LARGE1: variants seen among roughly 807,000 people sequenced by gnomAD.
The protein encoded by LARGE1 is xylosyl- and glucuronyltransferase LARGE1.
Under a neutral mutation model 87.6 loss-of-function variants are expected in LARGE1, and 43 were observed. The observed-to-expected ratio is 0.49, with a 90% CI of 0.38 to 0.63. The LOEUF is 0.63. Among genes scored for constraint, LARGE1 ranks in the 30% least tolerant of loss-of-function variants. The probability of loss-of-function intolerance (pLI) is 0.00; values close to 1 mark genes in which losing one functional copy is unlikely to be tolerated. For synonymous variants in LARGE1, 434 were observed against 394.6 expected (o/e 1.10, Z -1.18); for missense variants, 802 against 1,000.2 (o/e 0.80, Z 2.67).
At chr22:33,775,584 G>T (rs2085208472) in intron 1 of LARGE1, among the ~76,000 whole-genome samples, 1 of 152,224 alleles carries the variant, frequency 6.6e-6, no homozygotes, top group African/African-American at 2.4e-5. Flanking sequence ...GGGCTCAGTG[G>T]CTCATGCCTG....
At chr22:33,483,228 C>A (rs2069409921) in intron 6 of LARGE1, among the ~76,000 whole-genome samples, 1 of 152,120 alleles carries the variant, frequency 6.6e-6, no homozygotes, top group African/African-American at 2.4e-5. Flanking sequence ...GCAGACAGGC[C>A]TCACCAGAGA....
chr22:33,623,154 T>TC (rs34596358), intron 4 of LARGE1, among the ~76,000 whole-genome samples: 1 of 151,240 alleles, frequency 6.6e-6, no homozygotes, highest in African/African-American at 2.4e-5. Flanking sequence ...TTTTTTTTTT[T>TC]AAACCAGGGA....
chr22:33,598,796 C>T (rs549065431), intron 5 of LARGE1, among the ~76,000 whole-genome samples: 1 of 152,164 alleles, frequency 6.6e-6, no homozygotes, highest in East Asian at 1.9e-4. Flanking sequence ...GGGTTGGTTC[C>T]AAGTCTTTGC....
At chr22:33,253,491 C>T (rs943809154) in intron 11 of LARGE1, among the ~76,000 whole-genome samples, 2 of 152,148 alleles carry the variant, frequency 1.3e-5, no homozygotes, top group Non-Finnish European at 2.9e-5. Flanking sequence ...GTGGGCAGAT[C>T]ACTTAAGGTC....
chr22:33,123,393 T>C, the LARGE1 span, among the ~76,000 whole-genome samples: 72 of 152,236 alleles, frequency 4.7e-4, 1 homozygote, highest in Non-Finnish European at 7.8e-4. Context: ...CTTTAAATCA[T>C]CAGATTTGAA....
chr22:33,565,687 A>G (rs1213644704), intron 5 of LARGE1, among the ~76,000 whole-genome samples: 2 of 152,244 alleles, frequency 1.3e-5, no homozygotes, highest in East Asian at 3.9e-4. Context: ...GGACCTAGTC[A>G]TCACGCGACA....
At chr22:33,179,646 C>T (rs757760454) in intron 11 of LARGE1, among the ~76,000 whole-genome samples, 1 of 152,104 alleles carries the variant, frequency 6.6e-6, no homozygotes, top group Non-Finnish European at 1.5e-5. Context: ...TTCTGTATAT[C>T]CCAACAATTT....
intron 5 of LARGE1, among the ~76,000 whole-genome samples, chr22:33,588,629 C>T (rs2078748278): frequency 6.6e-6 from 1 of 151,922 alleles, no homozygotes; most frequent in African/African-American, 2.4e-5. Flanking sequence ...ATAAGTAATC[C>T]CTGAAACTCA....
At chr22:33,248,644 A>G (rs1926877443) in intron 11 of LARGE1, among the ~76,000 whole-genome samples, 1 of 152,166 alleles carries the variant, frequency 6.6e-6, no homozygotes, top group African/African-American at 2.4e-5. Flanking sequence ...AAAAATGTAT[A>G]ATGACATGTA....
At chr22:33,323,645 C>T (rs115745551) in intron 10 of LARGE1, among the ~76,000 whole-genome samples, 118 of 152,116 alleles carry the variant, frequency 7.8e-4, no homozygotes, top group Middle Eastern at 6.8e-3. Flanking sequence ...AAAGAAAAAC[C>T]CACTCAAAAA....
intron 1 of LARGE1, among the ~76,000 whole-genome samples, chr22:33,890,263 A>T (rs2064969826): frequency 1.3e-5 from 2 of 152,208 alleles, no homozygotes; most frequent in Non-Finnish European, 2.9e-5. Context: ...AATGCCTCAG[A>T]TGCAAGGCGG....
intron 2 of LARGE1, among the ~76,000 whole-genome samples, chr22:33,687,400 A>C (rs1006317823): frequency 1.3e-5 from 2 of 150,882 alleles, no homozygotes; most frequent in Middle Eastern, 3.2e-3. Flanking sequence ...TTTTTTTTTA[A>C]ATAATATTCA....
the LARGE1 span, among the ~76,000 whole-genome samples, chr22:33,104,970 T>C: frequency 6.8e-6 from 1 of 147,446 alleles, no homozygotes; most frequent in Non-Finnish European, 1.5e-5. Context: ...TCTCTCTTTC[T>C]TTCTTTCTTT....
At chr22:33,332,403 T>A (rs1937842007) in intron 10 of LARGE1, among the ~76,000 whole-genome samples, 1 of 152,224 alleles carries the variant, frequency 6.6e-6, no homozygotes, top group South Asian at 2.1e-4. Context: ...CATGTGGAAC[T>A]GTGAGTCAAT....
chr22:33,194,179 G>A (rs1334974828), intron 11 of LARGE1, among the ~76,000 whole-genome samples: 1 of 151,140 alleles, frequency 6.6e-6, no homozygotes, highest in Non-Finnish European at 1.5e-5. Flanking sequence ...AAAATCTATG[G>A]TATAGCTAAA....
rs188265983 is a variant in LARGE1, at chr22:33,377,184, C to T, written c.1131+4735G>A. Among the ~76,000 whole-genome samples, 3 of 152,338 alleles carry T rather than the reference C, an allele frequency of 2.0e-5. No homozygotes were observed. The East Asian group carries it at 5.8e-4, about 29-fold the overall frequency. The stretch of plus-strand genomic sequence containing the variant: ...GAACCAGGAATGCCATGGAAAGAGG[C>T]TTTTCTTCCACAAGTGTCTGATAAC... On this transcript the variant is annotated intron_variant, in intron 9 of 14. Transcript: ENST00000397394.
intron 9 of LARGE1, among the ~76,000 whole-genome samples, chr22:33,349,688 TATTAAATAAAA>T (rs978216112): frequency 6.6e-6 from 1 of 152,210 alleles, no homozygotes; most frequent in African/African-American, 2.4e-5. Flanking sequence ...CAGGTACTGC[TATTAAATAAAA>T]ATTAAATAAA....
rs35018256 is a variant in LARGE1 at position 33,416,906 on chromosome 22, C to CTTTTTTT, written c.892+15248_892+15254dup. Among the ~76,000 whole-genome samples, 94 of 90,142 alleles carry CTTTTTTT rather than the reference C, an allele frequency of 1.0e-3. 11 individuals are homozygous for CTTTTTTT. Among genetic ancestry groups the CTTTTTTT allele is most frequent in the African/African-American group, 3.4e-3 (60 of 17,438 alleles). The allele number at this position is 90,142 out of a possible 152,430, so 59.1% of individuals were successfully genotyped here. On this transcript the variant is annotated intron_variant, in intron 7 of 14. Coordinates refer to ENST00000397394, the MANE Select transcript of LARGE1 (RefSeq NM_133642.5). ...ACAGGTGTGAGGCACCACGCCCGGA[C>CTTTTTTT]TTTTTTTTTTTTTTTTTTTGAGACA... is the stretch of plus-strand genomic sequence containing the variant.
chr22:33,661,872 C>T (rs964412964), intron 2 of LARGE1, among the ~76,000 whole-genome samples: 14 of 152,078 alleles, frequency 9.2e-5, no homozygotes, highest in Admixed American at 8.5e-4. Context: ...AGATAACCCA[C>T]TCAGACTTTG....
Sources: gnomAD v4.1 joint callset for allele counts (sites outside exome capture counted in the v4.1 genomes callset) on GRCh38, gnomAD v4.1.1 for gene constraint, MANE v1.5 for transcripts, NCBI Gene and HGNC (gene_info 2026-07-23, HGNC 2026-07-21) for gene names.